NEDD9: variants seen among roughly 807,000 people sequenced by gnomAD.
The protein encoded by NEDD9 is neural precursor cell expressed, developmentally down-regulated 9, also known as enhancer of filamentation 1.
Under a neutral mutation model 76.6 loss-of-function variants are expected in NEDD9, and 26 were observed. The observed-to-expected ratio is 0.34, with a 90% CI of 0.25 to 0.47. NEDD9 has a LOEUF of 0.47. Ranked by LOEUF, NEDD9 falls within the 20% of genes least tolerant of loss-of-function variation. The probability of loss-of-function intolerance (pLI) is 1.00; values close to 1 mark genes in which losing one functional copy is unlikely to be tolerated. For missense variants in NEDD9, 937 were observed against 1,058.5 expected, an observed-to-expected ratio of 0.89 and a Z score of 1.59; for synonymous variants, 392 against 414.2, an observed-to-expected ratio of 0.95 and a Z score of 0.65.
Position 11,241,399 on chromosome 6 carries a change from T to C in NEDD9, c.13-27672A>G, listed in dbSNP as rs1225680664. ...TGCCATGGCATGACATCATGTGATA[T>C]GATGCGACTTTGTAGCCCTCTTCCC... On this transcript the variant is annotated intron_variant, in intron 3 of 3. Transcript: ENST00000397378. The surrounding 1 kb of genome is among the most constrained non-coding windows in gnomAD (Gnocchi z 4.0). Among the ~76,000 whole-genome samples the C allele has an allele frequency of 6.6e-6, 1 of 152,232 alleles. No homozygotes were observed. The highest frequency in any genetic ancestry group is 2.4e-5 in the African/African-American group (1 of 41,448).
intron 2 of NEDD9, among the ~76,000 whole-genome samples, chr6:11,318,877 T>A (rs1761663129): frequency 6.6e-6 from 1 of 152,200 alleles, no homozygotes; most frequent in African/African-American, 2.4e-5. Context: ...ACCCAGTTTT[T>A]AGGAAACTAT....
chr6:11,380,589 A>G (rs1763044322), intron 1 of NEDD9, among the ~76,000 whole-genome samples: 1 of 152,230 alleles, frequency 6.6e-6, no homozygotes, highest in Admixed American at 6.5e-5. Context: ...TGAGGCCTGG[A>G]GGAGGGAGGC....
chr6:11,284,573 T>TA (rs890315928), intron 3 of NEDD9, among the ~76,000 whole-genome samples: 1 of 150,416 alleles, frequency 6.6e-6, no homozygotes, highest in Non-Finnish European at 1.5e-5. Flanking sequence ...CTCAAAAAAA[T>TA]AAAAAATAAA....
chr6:11,249,018 C>T, intron 3 of NEDD9: 1 of 422,374 alleles, frequency 2.4e-6, no homozygotes, highest in Non-Finnish European at 4.8e-6. Flanking sequence ...CAGTGACTCA[C>T]CAGTTTTCAT....
At chr6:11,312,954 G>A (rs751911575) in intron 2 of NEDD9, among the ~76,000 whole-genome samples, 4 of 152,120 alleles carry the variant, frequency 2.6e-5, no homozygotes, top group Non-Finnish European at 4.4e-5. Flanking sequence ...TTGTTCTTAA[G>A]ACAATGTCCA....
At chr6:11,359,358 C>T (rs1762636953) in intron 1 of NEDD9, among the ~76,000 whole-genome samples, 1 of 152,210 alleles carries the variant, frequency 6.6e-6, no homozygotes, top group Non-Finnish European at 1.5e-5. Flanking sequence ...GGATCATTTG[C>T]CATATTTGGA....
At chr6:11,315,321 A>G (rs770683381) in intron 2 of NEDD9, among the ~76,000 whole-genome samples, 1 of 152,224 alleles carries the variant, frequency 6.6e-6, no homozygotes, top group Non-Finnish European at 1.5e-5. Context: ...TTCATAAAAC[A>G]GCCCATCAGC....
intron 1 of NEDD9, among the ~76,000 whole-genome samples, chr6:11,336,351 A>G (rs1248865392): frequency 6.6e-6 from 1 of 152,230 alleles, no homozygotes; most frequent in East Asian, 1.9e-4. Context: ...AGAGCCTACT[A>G]CTTACCCAGG....
chr6:11,314,813 G>A (rs1308452443), intron 2 of NEDD9, among the ~76,000 whole-genome samples: 2 of 152,192 alleles, frequency 1.3e-5, no homozygotes, highest in Admixed American at 6.5e-5. Flanking sequence ...ACTTCAGGCA[G>A]TTCAGCCATT....
At chr6:11,350,225 C>T (rs532441237) in intron 1 of NEDD9, among the ~76,000 whole-genome samples, 46 of 152,316 alleles carry the variant, frequency 3.0e-4, no homozygotes, top group African/African-American at 1.1e-3. Flanking sequence ...GAAATTATTA[C>T]AGGTACAGGA....
intron 1 of NEDD9, among the ~76,000 whole-genome samples, chr6:11,359,685 T>C (rs552753240): frequency 6.6e-6 from 1 of 152,370 alleles, no homozygotes; most frequent in South Asian, 2.1e-4. Context: ...AATACTTTTC[T>C]CTTTCATAAT....
chr6:11,257,925 T>G (rs888503996), intron 3 of NEDD9, among the ~76,000 whole-genome samples: 1 of 152,198 alleles, frequency 6.6e-6, no homozygotes, highest in African/African-American at 2.4e-5. Flanking sequence ...TCTTGTTTTT[T>G]GAAACTGACT....
chr6:11,238,780 G>T (rs1759656282), intron 3 of NEDD9, among the ~76,000 whole-genome samples: 1 of 152,136 alleles, frequency 6.6e-6, no homozygotes, highest in African/African-American at 2.4e-5. Flanking sequence ...TTTCCCTTAA[G>T]AAACAATTAG....
chr6:11,359,046 T>G (rs1231758720), intron 1 of NEDD9, among the ~76,000 whole-genome samples: 4 of 152,156 alleles, frequency 2.6e-5, no homozygotes, highest in African/African-American at 9.7e-5. Context: ...TAGAGAGACT[T>G]GAGAGAGCTT....
chr6:11,376,818 G>T (rs972177930), intron 1 of NEDD9, among the ~76,000 whole-genome samples: 3 of 152,186 alleles, frequency 2.0e-5, no homozygotes, highest in Non-Finnish European at 2.9e-5. Context: ...CCCTCCAAAG[G>T]CATTTCAAAA....
At chr6:11,274,025 T>C (rs1760367238) in intron 3 of NEDD9, among the ~76,000 whole-genome samples, 1 of 152,182 alleles carries the variant, frequency 6.6e-6, no homozygotes, top group Non-Finnish European at 1.5e-5. Context: ...TGCTACGAGA[T>C]ACTGTTTCCA....
chr6:11,309,881 G>A (rs1175184671), intron 2 of NEDD9, among the ~76,000 whole-genome samples: 2 of 152,112 alleles, frequency 1.3e-5, no homozygotes, highest in South Asian at 2.1e-4. Context: ...TTGAAATATG[G>A]CAGCTAAGGG....
At chr6:11,321,364 A>G (rs1761798331) in intron 2 of NEDD9, among the ~76,000 whole-genome samples, 1 of 152,224 alleles carries the variant, frequency 6.6e-6, no homozygotes, top group South Asian at 2.1e-4. Context: ...CCCTGCGCAT[A>G]GTGTGAGTGA....
At chr6:11,335,461 A>G (rs574950642) in intron 1 of NEDD9, among the ~76,000 whole-genome samples, 3 of 152,346 alleles carry the variant, frequency 2.0e-5, no homozygotes, top group African/African-American at 7.2e-5. Flanking sequence ...GGCATTGGTC[A>G]ACAAAAAGGG....
Sources: allele counts gnomAD v4.1 joint callset (sites outside exome capture counted in the v4.1 genomes callset), GRCh38; gene constraint gnomAD v4.1.1; non-coding constraint Gnocchi (gnomAD v3.1); transcripts MANE v1.5; gene names NCBI Gene and HGNC (gene_info 2026-07-23, HGNC 2026-07-21).